The following CTSD variants were observed in gnomAD, a reference collection of about 807,000 sequenced individuals.
The protein encoded by CTSD is ceroid-lipofuscinosis, neuronal 10.
CTSD carries 28 observed loss-of-function variants against 43.6 expected under a neutral mutation model. That is an observed-to-expected ratio of 0.64 (90% CI 0.48 to 0.88). The LOEUF (loss-of-function observed/expected upper bound fraction) is 0.88. Ranked by LOEUF, CTSD falls within the 40% of genes least tolerant of loss-of-function variation. The pLI, the probability that CTSD is intolerant of heterozygous loss-of-function variation, is 0.00. For synonymous variants in CTSD, 270 were observed against 249.8 expected (o/e 1.08, Z -0.76); for missense variants, 485 against 555.2 (o/e 0.87, Z 1.27).
At chr11:1,757,613 C>T in intron 4 of CTSD, 57 bp from the exon 5 acceptor site, 11 of 1,406,614 alleles carry the variant, frequency 7.8e-6, no homozygotes, top group Non-Finnish European at 1.1e-5. Flanking sequence ...ACACCACTCC[C>T]TGAGCATGAG....
chr11:1,753,854 C>T lies in CTSD; in HGVS notation c.1020G>A (p.Leu340=). The T allele has an allele frequency of 1.2e-6, 2 of 1,613,710 alleles. No individual in the cohort carries two copies. ...GCTTGTAGCCTTTGCCTCCCAGCTT[C>T]AGTGTGATCGCGGGCAGGGTGGACA... ...EKVSTLPAIT[L]KLGGKGYKLS... Residue 340 remains leucine, a synonymous_variant, in exon 8 of 9, where the codon CTG becomes CTA. Coordinates refer to ENST00000236671, the MANE Select transcript of CTSD (RefSeq NM_001909.5).
intron 1 of CTSD, 75 bp downstream of exon 1, chr11:1,763,717 A>T: frequency 7.3e-7 from 1 of 1,372,990 alleles, no homozygotes; most frequent in South Asian, 1.3e-5. Flanking sequence ...GGGGAGCGCG[A>T]AAGTCACCAC....
At position 1,753,386 on chromosome 11, in the gene CTSD, G is replaced by T; in HGVS notation, c.*117C>A. The stretch of plus-strand genomic sequence containing the variant: ...GGCTTGGGCCGCCGGCTTCCAGGGC[G>T]CCCAGGACAGTGGGCGGGCGAGTGT... On this transcript the variant is annotated 3_prime_UTR_variant, in exon 9 of 9. Transcript: ENST00000236671. 1 of 1,304,556 alleles carries T rather than the reference G, an allele frequency of 7.7e-7. No individual in the cohort carries two copies. Among genetic ancestry groups the T allele is most frequent in the Non-Finnish European group, 1.1e-6 (1 of 905,968 alleles). The allele number at this position is 1,304,556 out of a possible 1,614,324, so 80.8% of individuals were successfully genotyped here.
At chr11:1,758,525 C>T (rs1191100039) in intron 4 of CTSD, among the ~76,000 whole-genome samples, 4 of 152,116 alleles carry the variant, frequency 2.6e-5, no homozygotes, top group African/African-American at 7.2e-5. Context: ...CCCTTGCCCT[C>T]CCAGGCTCCT....
intron 6 of CTSD, among the ~76,000 whole-genome samples, chr11:1,754,438 G>T (rs939078500): frequency 3.0e-4 from 42 of 138,138 alleles, no homozygotes; most frequent in Non-Finnish European, 5.7e-4. Flanking sequence ...TGGAGGGATG[G>T]AGGGATGGAG....
In CTSD at chr11:1,759,048, T is replaced by C. The variant is rs759276912; in HGVS notation, c.392A>G (p.Tyr131Cys). The change falls in exon 4 of 9, where the codon TAC (tyrosine) becomes TGC (cysteine). Residue 131 changes from tyrosine to cysteine, a missense_variant. Coordinates refer to ENST00000236671, the MANE Select transcript of CTSD (RefSeq NM_001909.5). ...GTCAAACGAGGTACCATTCTTCACG[T>C]AGGTGCTGGACTTGTCGCTGTTGTA... ...HKYNSDKSST[Y>C]VKNGTSFDIH... 3 of 1,614,106 alleles carry C rather than the reference T, an allele frequency of 1.9e-6. No individual in the cohort carries two copies. The highest frequency in any genetic ancestry group is 1.3e-5 in the African/African-American group (1 of 75,044).
intron 2 of CTSD, among the ~76,000 whole-genome samples, chr11:1,759,997 G>A (rs577280158): frequency 6.6e-6 from 1 of 152,360 alleles, no homozygotes; most frequent in South Asian, 2.1e-4. Context: ...CCGGGTGCAG[G>A]AAAGCCCGGC....
chr11:1,762,813 TTTAA>T (rs1845898444), intron 1 of CTSD, among the ~76,000 whole-genome samples: 1 of 152,152 alleles, frequency 6.6e-6, no homozygotes, highest in Non-Finnish European at 1.5e-5. Context: ...CCACAACGAC[TTTAA>T]TTGGGGCTAC....
At position 1,753,385 on chromosome 11, in the gene CTSD, C is replaced by T. The variant is rs566918685; in HGVS notation, c.*118G>A. 135 of 1,286,338 alleles carry T rather than the reference C, an allele frequency of 1.0e-4. No homozygotes were observed. Among genetic ancestry groups the T allele is most frequent in the African/African-American group, 8.8e-4 (60 of 68,494 alleles). The allele number at this position is 1,286,338 out of a possible 1,614,324, so 79.7% of individuals were successfully genotyped here. A position where few individuals can be genotyped will look rare whatever the true frequency, so the allele number is the denominator to read the frequency against. ...GGGCTTGGGCCGCCGGCTTCCAGGGCGCCCAGGACAGTGGGCGGGCGAGTG... is the reference window on the plus strand; with the variant it reads ...GGGCTTGGGCCGCCGGCTTCCAGGGTGCCCAGGACAGTGGGCGGGCGAGTG... On this transcript the variant is annotated 3_prime_UTR_variant, in exon 9 of 9. Transcript: ENST00000236671.
chr11:1,757,392 C>A lies in CTSD; in HGVS notation c.636G>T (p.Leu212=), dbSNP rs567625495. The A allele has an allele frequency of 1.2e-5, 19 of 1,614,192 alleles. No individual in the cohort carries two copies. The East Asian group carries it at 2.7e-4, about 23-fold the overall frequency. Reference sequence around the variant, plus strand: ...GCTGCATCAGGTTGTCGAAGACGGGCAGCACGTTGTTGACGGAGATGCGGG... The same window carrying A: ...GCTGCATCAGGTTGTCGAAGACGGGAAGCACGTTGTTGACGGAGATGCGGG... ...AYPRISVNNV[L]PVFDNLMQQK... Residue 212 remains leucine (L), a synonymous_variant, in exon 5 of 9, where the codon CTG becomes CTT. Transcript: ENST00000236671.
At chr11:1,761,232 G>T in intron 2 of CTSD, 77 bp downstream of exon 2, 1 of 1,531,388 alleles carries the variant, frequency 6.5e-7, no homozygotes, top group Non-Finnish European at 9.0e-7. Flanking sequence ...AACAGGAGGT[G>T]GGAATGTTCC....
rs764609761 is a variant in CTSD at position 1,754,986 on chromosome 11, G to A, written c.747C>T (p.Gly249=). The part of the protein sequence containing the change: ...AQPGGELMLG[G]TDSKYYKGSL... ...AACCCTTGTAATACTTGGAGTCTGT[G>A]CCACCCAGCATCAGCTCACCCCCAG... is the stretch of plus-strand genomic sequence containing the variant. The change falls in exon 6 of 9, where the codon GGC becomes GGT. Residue 249 remains glycine, a synonymous_variant. Coordinates refer to ENST00000236671, the MANE Select transcript of CTSD (RefSeq NM_001909.5). 3 of 1,613,898 alleles carry A rather than the reference G, an allele frequency of 1.9e-6. No homozygotes were observed. The highest frequency in any genetic ancestry group is 2.5e-6 in the Non-Finnish European group (3 of 1,179,902).
chr11:1,754,729 G>C (rs892215838), intron 6 of CTSD, among the ~76,000 whole-genome samples, 177 bp downstream of exon 6: 1 of 150,372 alleles, frequency 6.7e-6, no homozygotes, highest in Non-Finnish European at 1.5e-5. Context: ...GGAGGTGATG[G>C]GGAGCATGGA....
intron 2 of CTSD, 144 bp from the exon 3 acceptor site, chr11:1,759,783 C>T (rs1845853036): frequency 4.7e-6 from 4 of 845,306 alleles, no homozygotes; most frequent in South Asian, 3.6e-5. Context: ...CAGCCACCCA[C>T]TCCCACCTGC....
In CTSD at chr11:1,753,278, C is replaced by A. The variant is rs1165906506; in HGVS notation, c.*225G>T. 3.2e-6 allele frequency: 2 copies of A among 620,068 alleles called. No homozygotes were observed. Among genetic ancestry groups the A allele is most frequent in the Non-Finnish European group, 5.8e-6 (2 of 345,370 alleles). 38.4% of individuals were successfully genotyped at this position (620,068 alleles called of 1,614,324 possible). ...CTGTGCTCTGGATCAGCTCTACCCCCACCAAACAGATGGAGAGACAGACAG... is the reference window on the plus strand; with the variant it reads ...CTGTGCTCTGGATCAGCTCTACCCCAACCAAACAGATGGAGAGACAGACAG... On this transcript the variant is annotated 3_prime_UTR_variant, in exon 9 of 9. Transcript: ENST00000236671.
chr11:1,758,065 C>T (rs544503872), intron 4 of CTSD: 8 of 205,282 alleles, frequency 3.9e-5, no homozygotes, highest in South Asian at 3.0e-4. Context: ...GGGAAGGGAA[C>T]GACAGCTTGA....
chr11:1,761,511 C>T (rs1590908825), intron 1 of CTSD, 43 bp from the exon 2 acceptor site: 3 of 1,610,446 alleles, frequency 1.9e-6, no homozygotes, highest in Non-Finnish European at 1.7e-6. Flanking sequence ...GCCCTCCCGC[C>T]TGCCGGCCGA....
At position 1,753,124 on chromosome 11, in the gene CTSD, G is replaced by C. The variant is rs1023062508; in HGVS notation, c.*379C>G. 1 of 336,600 alleles carries C rather than the reference G, an allele frequency of 3.0e-6. No homozygotes were observed. Among genetic ancestry groups the C allele is most frequent in the South Asian group, 2.5e-5 (1 of 40,412 alleles). 20.9% of individuals were successfully genotyped at this position (336,600 alleles called of 1,614,324 possible). A position where few individuals can be genotyped will look rare whatever the true frequency, so the allele number is the denominator to read the frequency against. On this transcript the variant is annotated 3_prime_UTR_variant, in exon 9 of 9. Transcript: ENST00000236671. ...AGGGCCCGGGAGGACGGCCTGGTGT[G>C]GGGTAGGGGCTCAGCCCAGCGGGCG...
chr11:1,763,252 C>T (rs1845905498), intron 1 of CTSD, among the ~76,000 whole-genome samples: 1 of 152,164 alleles, frequency 6.6e-6, no homozygotes, highest in Admixed American at 6.5e-5. Flanking sequence ...CATGCCTCCT[C>T]CTCTCTCAGG....
Sources: allele counts gnomAD v4.1 joint callset (sites outside exome capture counted in the v4.1 genomes callset), GRCh38; gene constraint gnomAD v4.1.1; transcripts MANE v1.5; gene names NCBI Gene and HGNC (gene_info 2026-07-23, HGNC 2026-07-21).